FRMD5: variants seen among roughly 807,000 people sequenced by gnomAD.
FRMD5 encodes FERM domain-containing protein 5.
Under a neutral mutation model 69.0 loss-of-function variants are expected in FRMD5, and 20 were observed. The observed-to-expected ratio is 0.29, with a 90% CI of 0.20 to 0.42. FRMD5 has a LOEUF of 0.42. Ranked by LOEUF, FRMD5 falls within the 10% of genes least tolerant of loss-of-function variation. The pLI is 1.00. For synonymous variants in FRMD5, 271 were observed against 260.1 expected (o/e 1.04, Z -0.40); for missense variants, 595 against 708.6 (o/e 0.84, Z 1.82).
Position 44,186,342 on chromosome 15 carries a change from CT to C in FRMD5, c.102+8610del, listed in dbSNP as rs1189131978. Among the ~76,000 whole-genome samples, 6 of 152,204 alleles carry C rather than the reference CT, an allele frequency of 3.9e-5. No homozygotes were observed. In the East Asian group the frequency reaches 1.2e-3, roughly 29 times the overall value. On this transcript the variant is annotated intron_variant, in intron 1 of 13. Transcript: ENST00000417257. ...AATCCTTTGGAAATCCTGAAGCCAA[CT>C]TTTCCACTCAGTATCCTCAAAATTA...
At chr15:44,011,266 A>G (rs971925642) in intron 1 of FRMD5, among the ~76,000 whole-genome samples, 16 of 149,962 alleles carry the variant, frequency 1.1e-4, no homozygotes, top group African/African-American at 3.2e-4. Context: ...ACTGAAGACG[A>G]TAAGAACTGC....
At chr15:44,140,427 A>G (rs1334323647) in intron 1 of FRMD5, among the ~76,000 whole-genome samples, 39 of 152,196 alleles carry the variant, frequency 2.6e-4, no homozygotes, top group Admixed American at 2.6e-3. Context: ...GGGGTAGTCA[A>G]GAAGATAATA....
intron 1 of FRMD5, among the ~76,000 whole-genome samples, chr15:44,129,984 C>A (rs1320724500): frequency 1.3e-5 from 2 of 152,152 alleles, no homozygotes; most frequent in Non-Finnish European, 2.9e-5. Context: ...AACCAAGGAC[C>A]TCAATGTCCA....
At chr15:43,907,840 C>T (rs1167644117) in intron 5 of FRMD5, among the ~76,000 whole-genome samples, 1 of 151,994 alleles carries the variant, frequency 6.6e-6, no homozygotes, top group African/African-American at 2.4e-5. Flanking sequence ...TGGGGTTTCA[C>T]TCTGTTGCCC....
chr15:44,199,274 G>C (rs116829826), upstream of FRMD5, among the ~76,000 whole-genome samples: 597 of 152,236 alleles, frequency 3.9e-3, 1 homozygote, highest in African/African-American at 0.012. Context: ...TAACTTGGAC[G>C]TATGACATAG....
intron 1 of FRMD5, among the ~76,000 whole-genome samples, chr15:44,148,332 C>T (rs1241343930): frequency 2.0e-5 from 3 of 151,432 alleles, no homozygotes; most frequent in Non-Finnish European, 1.5e-5. Flanking sequence ...AGTGCAGGGG[C>T]GCAATCTAGG....
intron 1 of FRMD5, among the ~76,000 whole-genome samples, chr15:44,052,078 G>C (rs1351315596): frequency 2.6e-5 from 4 of 151,936 alleles, no homozygotes; most frequent in Admixed American, 2.6e-4. Context: ...ACCTCCTTGA[G>C]AACAAAGTAG....
At chr15:44,162,615 C>T (rs1437759686) in intron 1 of FRMD5, among the ~76,000 whole-genome samples, 1 of 152,034 alleles carries the variant, frequency 6.6e-6, no homozygotes, top group Non-Finnish European at 1.5e-5. Context: ...CGCCTGTGAT[C>T]CCAGCACTTT....
In FRMD5 at chr15:44,194,828, A is replaced by G. The variant is rs1271323154; in HGVS notation, c.102+125T>C. ...TGCACTAGGGCGGTCCGCCGCAACCAGGAACGGACAAAGCACGGCGCTGGG... is the reference window on the plus strand; with the variant it reads ...TGCACTAGGGCGGTCCGCCGCAACCGGGAACGGACAAAGCACGGCGCTGGG... On this transcript the variant is annotated intron_variant, in intron 1 of 13. Transcript: ENST00000417257. The G allele has an allele frequency of 9.4e-6, 8 of 854,214 alleles. No homozygotes were observed. The Admixed American group carries it at 1.0e-4, about 11-fold the overall frequency. 52.9% of individuals were successfully genotyped at this position (854,214 alleles called of 1,614,324 possible).
At chr15:43,986,718 AT>A (rs35426062) in intron 1 of FRMD5, among the ~76,000 whole-genome samples, 4 of 147,876 alleles carry the variant, frequency 2.7e-5, no homozygotes, top group African/African-American at 9.9e-5. Context: ...AGTACTTGGG[AT>A]TTTTTTTTTT....
At chr15:43,983,756 GGA>G (rs1167279315) in intron 1 of FRMD5, among the ~76,000 whole-genome samples, 1 of 152,172 alleles carries the variant, frequency 6.6e-6, no homozygotes, top group Non-Finnish European at 1.5e-5. Flanking sequence ...AATTGAAGCA[GGA>G]GAGTACTAAG....
At chr15:43,881,346 G>A (rs112866376) in intron 13 of FRMD5, among the ~76,000 whole-genome samples, 13 of 152,208 alleles carry the variant, frequency 8.5e-5, no homozygotes, top group Non-Finnish European at 1.6e-4. Flanking sequence ...AAAGAGGGAC[G>A]GAGAGAGCCA....
chr15:44,166,708 C>G (rs559670420), intron 1 of FRMD5, among the ~76,000 whole-genome samples: 1 of 143,568 alleles, frequency 7.0e-6, no homozygotes, highest in Non-Finnish European at 1.5e-5. Flanking sequence ...GGTTTAAACC[C>G]GGGAGGTAGA....
intron 1 of FRMD5, among the ~76,000 whole-genome samples, chr15:44,031,936 C>T (rs1317597203): frequency 6.6e-6 from 1 of 151,994 alleles, no homozygotes; most frequent in African/African-American, 2.4e-5. Context: ...AAAATTCAAG[C>T]AGGGTAGAAA....
chr15:44,030,579 CCT>C (rs2140282967), intron 1 of FRMD5, among the ~76,000 whole-genome samples: 1 of 152,216 alleles, frequency 6.6e-6, no homozygotes, highest in South Asian at 2.1e-4. Context: ...GAAACAAAAC[CCT>C]ATGCTAGGAA....
At chr15:44,108,442 C>G (rs1036176101) in intron 1 of FRMD5, among the ~76,000 whole-genome samples, 9 of 152,226 alleles carry the variant, frequency 5.9e-5, no homozygotes, top group Non-Finnish European at 8.8e-5. Flanking sequence ...GTCTGGAGTT[C>G]GAGACCAGCC....
At chr15:44,151,432 A>T (rs1382439140) in intron 1 of FRMD5, among the ~76,000 whole-genome samples, 1 of 151,766 alleles carries the variant, frequency 6.6e-6, no homozygotes, top group South Asian at 2.1e-4. Flanking sequence ...AAGAAAAAAG[A>T]ATTAACACAC....
intron 1 of FRMD5, among the ~76,000 whole-genome samples, chr15:44,018,039 C>G (rs529534574): frequency 6.6e-6 from 1 of 152,256 alleles, no homozygotes; most frequent in East Asian, 1.9e-4. Context: ...GAAAATGGAA[C>G]TCTGCACATC....
chr15:44,184,269 T>C (rs1307659252), intron 1 of FRMD5, among the ~76,000 whole-genome samples: 1 of 152,204 alleles, frequency 6.6e-6, no homozygotes, highest in African/African-American at 2.4e-5. Flanking sequence ...CAGAGTCACA[T>C]TGGGTCTATT....
Sources: allele counts gnomAD v4.1 joint callset (sites outside exome capture counted in the v4.1 genomes callset), GRCh38; gene constraint gnomAD v4.1.1; transcripts MANE v1.5; gene names NCBI Gene and HGNC (gene_info 2026-07-23, HGNC 2026-07-21).